The following COL24A1 variants were observed in gnomAD, a reference collection of about 807,000 sequenced individuals.
COL24A1 encodes the protein collagen alpha-1(XXIV) chain.
A neutral mutation model predicts 253.9 loss-of-function variants in COL24A1; 224 were observed. The observed-to-expected ratio is 0.88, with a 90% CI of 0.79 to 0.99. The LOEUF (loss-of-function observed/expected upper bound fraction) is 0.99, where lower values mean the gene tolerates loss of function less well. Ranked by LOEUF, COL24A1 falls within the 50% of genes least tolerant of loss-of-function variation. The pLI is 0.00. For synonymous variants in COL24A1, 685 were observed against 673.7 expected (o/e 1.02, Z -0.26); for missense variants, 2,131 against 2,068.5 (o/e 1.03, Z -0.59).
intron 5 of COL24A1, among the ~76,000 whole-genome samples, chr1:86,109,705 G>C (rs1225771023): frequency 6.6e-6 from 1 of 152,182 alleles, no homozygotes; most frequent in Non-Finnish European, 1.5e-5. Context: ...TGGCAACCAA[G>C]ATCCTAATCC....
chr1:85,823,809 C>G, intron 43 of COL24A1, 71 bp from the exon 44 acceptor site: 1 of 1,362,220 alleles, frequency 7.3e-7, no homozygotes, highest in East Asian at 2.3e-5. Context: ...GATACTATCA[C>G]TTAAAATGGT....
At chr1:86,148,858 T>C (rs1652319956) in intron 1 of COL24A1, among the ~76,000 whole-genome samples, 1 of 152,160 alleles carries the variant, frequency 6.6e-6, no homozygotes, top group Admixed American at 6.5e-5. Context: ...CCTTTGGATA[T>C]ATACCCAGTA....
chr1:85,947,296 T>G (rs1475592032), intron 24 of COL24A1, among the ~76,000 whole-genome samples: 3 of 152,214 alleles, frequency 2.0e-5, no homozygotes, highest in African/African-American at 7.2e-5. Flanking sequence ...TTCTGCCATA[T>G]GCCAGGAATG....
rs534907662 is a variant in COL24A1 at position 85,915,198 on chromosome 1, T to C, written c.2563-3765A>G. Among the ~76,000 whole-genome samples, 353 of 152,338 alleles carry C rather than the reference T, an allele frequency of 2.3e-3. 4 individuals are homozygous for C. The highest frequency in any genetic ancestry group is 2.4e-3 in the Non-Finnish European group (162 of 68,026). On this transcript the variant is annotated intron_variant, in intron 24 of 59. Transcript: ENST00000370571. ...AAAGGAAAGGAAACTTTTCTCTCCA[T>C]CTGACTGCTTAGGCTGGGACATTAG...
At chr1:85,805,902 C>T (rs938763372) in intron 47 of COL24A1, among the ~76,000 whole-genome samples, 3 of 151,808 alleles carry the variant, frequency 2.0e-5, no homozygotes, top group Non-Finnish European at 4.4e-5. Context: ...AGTGAAACCC[C>T]GTCTCTATTA....
chr1:86,066,582 C>G (rs147707681), intron 7 of COL24A1, among the ~76,000 whole-genome samples: 3 of 152,032 alleles, frequency 2.0e-5, no homozygotes, highest in Non-Finnish European at 4.4e-5. Context: ...ATCCGAAGAG[C>G]CTAAGTAAAG....
At chr1:85,895,694 T>C (rs991646953) in intron 31 of COL24A1, among the ~76,000 whole-genome samples, 164 bp downstream of exon 31, 3 of 152,110 alleles carry the variant, frequency 2.0e-5, no homozygotes, top group Non-Finnish European at 2.9e-5. Flanking sequence ...CAGATAAAGG[T>C]AATCAGCTCA....
intron 53 of COL24A1, among the ~76,000 whole-genome samples, chr1:85,762,409 A>G (rs2101113793): frequency 6.6e-6 from 1 of 152,316 alleles, no homozygotes; most frequent in Non-Finnish European, 1.5e-5. Flanking sequence ...GAGTACTCCA[A>G]CACTGTGCCT....
intron 53 of COL24A1, among the ~76,000 whole-genome samples, chr1:85,770,297 C>A (rs895913639): frequency 4.1e-5 from 5 of 122,708 alleles, no homozygotes; most frequent in African/African-American, 1.5e-4. Flanking sequence ...CTCAAGCATA[C>A]CCTAAGATGA....
rs186504900 is a variant in COL24A1 at position 85,832,343 on chromosome 1, T to C, written c.3681+6242A>G. ...TGGTTACTGTAGCCTTGTAGTATAG[T>C]TTGAAGTCAGGTAGCGTGATGCCTC... On this transcript the variant is annotated intron_variant, in intron 43 of 59. Coordinates refer to ENST00000370571, the MANE Select transcript of COL24A1 (RefSeq NM_152890.7). Among the ~76,000 whole-genome samples the C allele has an allele frequency of 1.3e-3, 195 of 152,182 alleles. 5 individuals are homozygous for C. Among genetic ancestry groups the C allele is most frequent in the Admixed American group, 2.8e-3 (43 of 15,228 alleles).
At chr1:85,877,040 A>G in intron 33 of COL24A1, 82 bp downstream of exon 33, 3 of 928,724 alleles carry the variant, frequency 3.2e-6, no homozygotes, top group Non-Finnish European at 4.9e-6. Flanking sequence ...TCCTCATAGT[A>G]TATATTTAAT....
At chr1:85,833,481 G>A (rs1444146085) in intron 43 of COL24A1, among the ~76,000 whole-genome samples, 2 of 152,314 alleles carry the variant, frequency 1.3e-5, no homozygotes, top group Admixed American at 6.5e-5. Flanking sequence ...TGCTGGAGAG[G>A]ATGTGGAGAA....
intron 12 of COL24A1, among the ~76,000 whole-genome samples, chr1:86,038,319 G>A (rs1251658545): frequency 6.6e-6 from 1 of 152,106 alleles, no homozygotes; most frequent in Non-Finnish European, 1.5e-5. Flanking sequence ...TTCATGCTGA[G>A]AGAAAAATTA....
intron 55 of COL24A1, 60 bp downstream of exon 55, chr1:85,761,336 T>A (rs1402456288): frequency 1.3e-6 from 2 of 1,579,090 alleles, no homozygotes; most frequent in Non-Finnish European, 1.7e-6. Context: ...GAAGGATATT[T>A]AAAAAGTTAA....
chr1:85,965,494 A>T (rs1266333212), intron 22 of COL24A1, among the ~76,000 whole-genome samples: 1 of 152,094 alleles, frequency 6.6e-6, no homozygotes, highest in East Asian at 1.9e-4. Flanking sequence ...TTCTTTGCAG[A>T]TTACTTGTAT....
At chr1:85,825,392 A>G (rs1674170200) in intron 43 of COL24A1, among the ~76,000 whole-genome samples, 1 of 152,160 alleles carries the variant, frequency 6.6e-6, no homozygotes, top group African/African-American at 2.4e-5. Flanking sequence ...GTACCTGTGC[A>G]TGTGTCTTTA....
chr1:85,923,122 A>G (rs770029909), intron 24 of COL24A1, among the ~76,000 whole-genome samples: 2 of 152,246 alleles, frequency 1.3e-5, no homozygotes, highest in Non-Finnish European at 2.9e-5. Flanking sequence ...AGAGCTAACT[A>G]TCCTAAATAT....
rs1171367031 is a variant in COL24A1, at chr1:85,911,404, C to T, written c.2592G>A (p.Gly864=). The T allele has an allele frequency of 6.2e-7, 1 of 1,612,392 alleles. No homozygotes were observed. The highest frequency in any genetic ancestry group is 8.5e-7 in the Non-Finnish European group (1 of 1,179,098). The change falls in exon 25 of 60, where the codon GGG becomes GGA. Residue 864 remains glycine (G), a synonymous_variant. Transcript: ENST00000370571. ...CCTTTTCGCCAATGCTTCCAGTCAT[C>T]CCAACTTCTCCAGGTAAGCCAACAG... is the stretch of plus-strand genomic sequence containing the variant. The part of the protein sequence containing the change: ...TGPVGLPGEV[G]MTGSIGEKGE...
intron 24 of COL24A1, among the ~76,000 whole-genome samples, chr1:85,918,629 G>A (rs992964928): frequency 1.3e-5 from 2 of 152,064 alleles, no homozygotes; most frequent in African/African-American, 4.8e-5. Context: ...TTGAAACTGT[G>A]TACACACTTG....
Sources: allele counts gnomAD v4.1 joint callset (sites outside exome capture counted in the v4.1 genomes callset), GRCh38; gene constraint gnomAD v4.1.1; transcripts MANE v1.5; gene names NCBI Gene and HGNC (gene_info 2026-07-23, HGNC 2026-07-21).